GAS2: variants seen among roughly 807,000 people sequenced by gnomAD.
GAS2 encodes the protein growth arrest specific 2.
A neutral mutation model predicts 37.5 loss-of-function variants in GAS2; 20 were observed. The ratio of observed to expected loss-of-function variants is 0.53; its 90% confidence interval spans 0.37 to 0.77. The LOEUF is 0.77. Among genes scored for constraint, GAS2 ranks in the 30% least tolerant of loss-of-function variants. GAS2 has a pLI of 0.00. For missense variants in GAS2, 336 were observed against 373.4 expected, an observed-to-expected ratio of 0.90 and a Z score of 0.82; for synonymous variants, 144 against 132.2, an observed-to-expected ratio of 1.09 and a Z score of -0.61.
chr11:22,653,750 G>A (rs936874192), intron 1 of GAS2, among the ~76,000 whole-genome samples: 1 of 152,298 alleles, frequency 6.6e-6, no homozygotes, highest in Middle Eastern at 3.4e-3. Context: ...AGTTTTAAAC[G>A]TGGCTTCAGA....
chr11:22,801,352 A>G (rs978454337), intron 7 of GAS2, among the ~76,000 whole-genome samples: 1 of 152,048 alleles, frequency 6.6e-6, no homozygotes, highest in African/African-American at 2.4e-5. Context: ...CTAAGTTAAC[A>G]TGGGAAAGTT....
chr11:22,713,385 T>C (rs184792684), intron 3 of GAS2, among the ~76,000 whole-genome samples: 3 of 152,036 alleles, frequency 2.0e-5, no homozygotes, highest in Non-Finnish European at 2.9e-5. Flanking sequence ...ATAAGAATAA[T>C]TGGTGTTCCC....
chr11:22,641,081 CT>C (rs937809476), intron 1 of GAS2, among the ~76,000 whole-genome samples: 1 of 150,244 alleles, frequency 6.7e-6, no homozygotes, highest in South Asian at 2.1e-4. Context: ...TGCACTCTGG[CT>C]TTTTTTTGAA....
chr11:22,642,115 A>G (rs1169928004), intron 1 of GAS2, among the ~76,000 whole-genome samples: 1 of 152,182 alleles, frequency 6.6e-6, no homozygotes, highest in Non-Finnish European at 1.5e-5. Flanking sequence ...CACAAGAATG[A>G]TAAGAGTATA....
intron 4 of GAS2, among the ~76,000 whole-genome samples, chr11:22,732,943 A>G (rs1256251435): frequency 6.6e-6 from 1 of 151,702 alleles, no homozygotes; most frequent in East Asian, 1.9e-4. Context: ...TTAATACAGT[A>G]CTTATCAAAC....
At chr11:22,689,573 A>T (rs528822162) in intron 3 of GAS2, among the ~76,000 whole-genome samples, 1 of 152,324 alleles carries the variant, frequency 6.6e-6, no homozygotes, top group Non-Finnish European at 1.5e-5. Context: ...CATGGCTACT[A>T]TTGTTCATAA....
intron 4 of GAS2, among the ~76,000 whole-genome samples, chr11:22,732,175 A>G (rs1852510299): frequency 6.6e-6 from 1 of 151,772 alleles, no homozygotes; most frequent in Admixed American, 6.6e-5. Flanking sequence ...ATTTCAAGCA[A>G]AAGGAAAAAA....
chr11:22,646,062 C>T (rs11026711), intron 1 of GAS2, among the ~76,000 whole-genome samples: 24,817 of 151,854 alleles, frequency 0.16, 2,397 homozygotes, highest in East Asian at 0.29. Flanking sequence ...AGGCTGGTCT[C>T]GAACTCCTGA....
chr11:22,812,137 C>A lies in GAS2; in HGVS notation c.*121C>A. The A allele has an allele frequency of 1.4e-6, 1 of 695,552 alleles. No individual in the cohort carries two copies. Among genetic ancestry groups the A allele is most frequent in the Non-Finnish European group, 2.4e-6 (1 of 411,332 alleles). 43.1% of individuals were successfully genotyped at this position (695,552 alleles called of 1,614,324 possible). ...AGAAAGATAGACAGAAAAATGTCATCATATTGAAAAATGTTCAAAGAGTAG... is the reference window on the plus strand; with the variant it reads ...AGAAAGATAGACAGAAAAATGTCATAATATTGAAAAATGTTCAAAGAGTAG... On this transcript the variant is annotated 3_prime_UTR_variant, in exon 8 of 8. Coordinates refer to ENST00000454584, the MANE Select transcript of GAS2 (RefSeq NM_001143830.3).
intron 7 of GAS2, among the ~76,000 whole-genome samples, chr11:22,759,913 G>A (rs1854279483): frequency 6.6e-6 from 1 of 152,068 alleles, no homozygotes; most frequent in African/African-American, 2.4e-5. Flanking sequence ...CTGTAAAAAG[G>A]GACTTCAGAA....
chr11:22,810,368 T>C (rs943727429), intron 7 of GAS2, among the ~76,000 whole-genome samples: 1 of 152,114 alleles, frequency 6.6e-6, no homozygotes, highest in African/African-American at 2.4e-5. Context: ...GGAGGCCTGA[T>C]GGTTGGTTTC....
chr11:22,722,483 C>T (rs867102096), intron 3 of GAS2, among the ~76,000 whole-genome samples: 1 of 151,956 alleles, frequency 6.6e-6, no homozygotes, highest in Middle Eastern at 3.4e-3. Context: ...CACTGTTGTA[C>T]AATATAGCAT....
chr11:22,646,797 C>T (rs2133824715), intron 1 of GAS2, among the ~76,000 whole-genome samples: 1 of 152,200 alleles, frequency 6.6e-6, no homozygotes, highest in Middle Eastern at 3.4e-3. Flanking sequence ...CTTGCTTTGT[C>T]ATTCTTATAA....
At chr11:22,776,137 C>G (rs1020949651) in intron 7 of GAS2, among the ~76,000 whole-genome samples, 2 of 152,096 alleles carry the variant, frequency 1.3e-5, no homozygotes, top group Non-Finnish European at 2.9e-5. Flanking sequence ...TACTATGTGC[C>G]TGGAACTGGT....
At chr11:22,746,626 C>A (rs1853416858) in intron 5 of GAS2, among the ~76,000 whole-genome samples, 1 of 152,124 alleles carries the variant, frequency 6.6e-6, no homozygotes, top group African/African-American at 2.4e-5. Flanking sequence ...TGCATGTTCT[C>A]ACTTATACAT....
At chr11:22,654,171 A>G (rs1253861232) in intron 1 of GAS2, among the ~76,000 whole-genome samples, 3 of 152,188 alleles carry the variant, frequency 2.0e-5, no homozygotes, top group South Asian at 2.1e-4. Context: ...GTTGTTTTAC[A>G]TCGTTAATTC....
intron 4 of GAS2, among the ~76,000 whole-genome samples, chr11:22,736,970 A>G (rs1449698087): frequency 6.6e-6 from 1 of 152,148 alleles, no homozygotes; most frequent in African/African-American, 2.4e-5. Flanking sequence ...ACATTACTGA[A>G]TGTCTATCAG....
At chr11:22,671,425 A>T (rs1849195778) in intron 1 of GAS2, among the ~76,000 whole-genome samples, 1 of 152,100 alleles carries the variant, frequency 6.6e-6, no homozygotes, top group Non-Finnish European at 1.5e-5. Context: ...TACTAAAGTT[A>T]CTTATCAAGC....
chr11:22,756,972 T>C (rs780550914), intron 7 of GAS2, among the ~76,000 whole-genome samples: 2 of 152,130 alleles, frequency 1.3e-5, no homozygotes, highest in African/African-American at 2.4e-5. Flanking sequence ...CATTAAATAA[T>C]AGTGATCTAG....
Sources: allele counts gnomAD v4.1 joint callset (sites outside exome capture counted in the v4.1 genomes callset), GRCh38; gene constraint gnomAD v4.1.1; transcripts MANE v1.5; gene names NCBI Gene and HGNC (gene_info 2026-07-23, HGNC 2026-07-21).